The following SLC4A4 variants were observed in gnomAD, a reference collection of about 807,000 sequenced individuals.
The protein encoded by SLC4A4 is electrogenic sodium bicarbonate cotransporter 1.
SLC4A4 carries 27 observed loss-of-function variants against 111.5 expected under a neutral mutation model. That is an observed-to-expected ratio of 0.24 (90% CI 0.18 to 0.33). The LOEUF (loss-of-function observed/expected upper bound fraction) is 0.33, where lower values mean the gene tolerates loss of function less well. Ranked by LOEUF, SLC4A4 falls within the 10% of genes least tolerant of loss-of-function variation. The pLI is 1.00. For synonymous variants in SLC4A4, 443 were observed against 463.4 expected (o/e 0.96, Z 0.57); for missense variants, 909 against 1,315.5 (o/e 0.69, Z 4.78).
intron 19 of SLC4A4, 58 bp downstream of exon 19, chr4:71,546,586 G>A: frequency 7.0e-7 from 1 of 1,420,624 alleles, no homozygotes; most frequent in Non-Finnish European, 9.9e-7. Context: ...CATCTATGTG[G>A]CAATCATAAG....
intron 2 of SLC4A4, among the ~76,000 whole-genome samples, chr4:71,140,622 C>G (rs1250160357): frequency 6.6e-6 from 1 of 152,140 alleles, no homozygotes; most frequent in Non-Finnish European, 1.5e-5. Context: ...CCCAGCCTGC[C>G]TCATCTCATT....
chr4:71,404,068 T>C (rs1460467824), intron 7 of SLC4A4, among the ~76,000 whole-genome samples: 1 of 152,240 alleles, frequency 6.6e-6, no homozygotes, highest in African/African-American at 2.4e-5. Context: ...GTACTGTTAA[T>C]TATATTACAT....
chr4:71,181,312 A>C (rs1745286567), intron 2 of SLC4A4, among the ~76,000 whole-genome samples: 1 of 152,134 alleles, frequency 6.6e-6, no homozygotes, highest in Admixed American at 6.5e-5. Flanking sequence ...ACATGTATAC[A>C]GATGTAACTA....
chr4:71,182,739 C>T (rs1390666642), upstream of SLC4A4, among the ~76,000 whole-genome samples: 1 of 133,492 alleles, frequency 7.5e-6, no homozygotes, highest in Non-Finnish European at 1.7e-5. Context: ...CACACACACA[C>T]ACACTCTCTC....
At chr4:71,314,521 T>A (rs1365361669) in intron 3 of SLC4A4, among the ~76,000 whole-genome samples, 1 of 152,176 alleles carries the variant, frequency 6.6e-6, no homozygotes, top group East Asian at 1.9e-4. Flanking sequence ...CCAACCCAAA[T>A]GACCATCAGT....
At chr4:71,356,142 A>C (rs1419083417) in intron 5 of SLC4A4, among the ~76,000 whole-genome samples, 2 of 152,246 alleles carry the variant, frequency 1.3e-5, no homozygotes, top group African/African-American at 4.8e-5. Context: ...GGCTTCATTT[A>C]TGCTATACTG....
At chr4:71,537,810 T>G (rs1391471188) in intron 18 of SLC4A4, among the ~76,000 whole-genome samples, 1 of 152,070 alleles carries the variant, frequency 6.6e-6, no homozygotes, top group Non-Finnish European at 1.5e-5. Context: ...GCCCGAGAAT[T>G]GGTCTCTGTC....
rs770868684 is a variant in SLC4A4 at position 71,567,020 on chromosome 4, A to G, written c.3213A>G (p.Thr1071=). 1.8e-5 allele frequency: 29 copies of G among 1,610,000 alleles called. No homozygotes were observed. Among genetic ancestry groups the G allele is most frequent in the South Asian group, 2.2e-5 (2 of 90,844 alleles). The part of the protein sequence containing the change: ...SKPSDRERSP[T]FLERHTSC ...ATTTTCCAGGAGAAAGATCACCAAC[A>G]TTCCTTGAACGCCACACATCATGCT... is the stretch of plus-strand genomic sequence containing the variant. The change falls in exon 25 of 26, where the codon ACA becomes ACG. Residue 1071 remains threonine (T), a synonymous_variant. Coordinates refer to ENST00000264485, the MANE Select transcript of SLC4A4 (RefSeq NM_001098484.3).
chr4:71,161,753 G>A lies in SLC4A4; in HGVS notation c.-2+68961G>A, dbSNP rs555821303. ...AGGTGATAAAAGATAATTAAATGCT[G>A]TAGGTCTAATATTGTGTGCCAGGAT... On this transcript the variant is annotated intron_variant, in intron 2 of 26. Transcript: ENST00000649996. Among the ~76,000 whole-genome samples, 105 of 152,290 alleles carry A rather than the reference G, an allele frequency of 6.9e-4. No homozygotes were observed. The South Asian group carries it at 0.013, about 19-fold the overall frequency.
At chr4:71,395,209 G>A (rs1719706263) in intron 6 of SLC4A4, among the ~76,000 whole-genome samples, 1 of 152,160 alleles carries the variant, frequency 6.6e-6, no homozygotes. Context: ...GGAAGGATTT[G>A]TCTCTGCTTC....
chr4:71,228,860 A>C (rs900281540), intron 1 of SLC4A4, among the ~76,000 whole-genome samples: 2 of 152,228 alleles, frequency 1.3e-5, no homozygotes, highest in African/African-American at 4.8e-5. Context: ...ATAATGTCAT[A>C]ACCAGCATAT....
intron 2 of SLC4A4, among the ~76,000 whole-genome samples, chr4:71,166,207 C>T (rs1197164235): frequency 6.6e-6 from 1 of 152,126 alleles, no homozygotes; most frequent in African/African-American, 2.4e-5. Context: ...GCTGTACTCA[C>T]CCATATGAAG....
rs147953509 is a variant in SLC4A4, at chr4:71,413,048, C to G, written c.807+15395C>G. Among the ~76,000 whole-genome samples, 800 of 152,258 alleles carry G rather than the reference C, an allele frequency of 5.3e-3. 8 individuals carry two copies. The highest frequency in any genetic ancestry group is 0.023 in the Admixed American group (354 of 15,294). On this transcript the variant is annotated intron_variant, in intron 7 of 25. Coordinates refer to ENST00000264485, the MANE Select transcript of SLC4A4 (RefSeq NM_001098484.3). ...AGATGCAGATGAAGAACCCCTCAAC[C>G]AAACTTCTGTATAGTTGTTGCCTGC...
intron 1 of SLC4A4, among the ~76,000 whole-genome samples, chr4:71,218,858 G>T (rs1718579937): frequency 6.6e-6 from 1 of 151,956 alleles, no homozygotes; most frequent in Admixed American, 6.6e-5. Context: ...GTTGGCCTTG[G>T]AACCTAAGCA....
chr4:71,397,514 C>T, intron 6 of SLC4A4, 63 bp from the exon 7 acceptor site: 1 of 1,344,290 alleles, frequency 7.4e-7, no homozygotes, highest in South Asian at 1.2e-5. Flanking sequence ...ATTAAGTATA[C>T]CACCAAAGTC....
intron 2 of SLC4A4, among the ~76,000 whole-genome samples, chr4:71,250,079 G>A (rs1210310187): frequency 1.3e-5 from 2 of 151,858 alleles, no homozygotes; most frequent in African/African-American, 2.4e-5. Context: ...AGTCTTTGCA[G>A]CATCTTTTTA....
intron 7 of SLC4A4, among the ~76,000 whole-genome samples, chr4:71,406,406 G>C (rs1720858927): frequency 1.3e-5 from 2 of 151,956 alleles, no homozygotes; most frequent in South Asian, 4.1e-4. Context: ...TGCAGAGTAA[G>C]TTTATGAAGA....
chr4:71,401,980 A>G (rs1286171814), intron 7 of SLC4A4, among the ~76,000 whole-genome samples: 1 of 152,180 alleles, frequency 6.6e-6, no homozygotes, highest in Non-Finnish European at 1.5e-5. Flanking sequence ...CTGAGAATCT[A>G]TTCCATAGGT....
chr4:71,437,646 C>G (rs1005022563), intron 7 of SLC4A4: 61 of 506,622 alleles, frequency 1.2e-4, no homozygotes, highest in African/African-American at 1.2e-3. Flanking sequence ...GTTTATCACC[C>G]AAACCTTTTA....
Sources: gnomAD v4.1 joint callset for allele counts (sites outside exome capture counted in the v4.1 genomes callset) on GRCh38, gnomAD v4.1.1 for gene constraint, MANE v1.5 for transcripts, NCBI Gene and HGNC (gene_info 2026-07-23, HGNC 2026-07-21) for gene names.